Variants in CACNA2D3 observed in about 807,000 individuals in gnomAD.
CACNA2D3 encodes the protein calcium voltage-gated channel auxiliary subunit alpha2delta 3.
In CACNA2D3, 60 loss-of-function variants were observed where a neutral mutation model predicts 160.6. That is an observed-to-expected ratio of 0.37 (90% CI 0.30 to 0.46). CACNA2D3 has a LOEUF of 0.46. Ranked by LOEUF, CACNA2D3 falls within the 20% of genes least tolerant of loss-of-function variation. The pLI, the probability that CACNA2D3 is intolerant of heterozygous loss-of-function variation, is 1.00. For missense variants in CACNA2D3, 1,205 were observed against 1,365.0 expected, an observed-to-expected ratio of 0.88 and a Z score of 1.85; for synonymous variants, 558 against 492.9, an observed-to-expected ratio of 1.13 and a Z score of -1.75.
At chr3:55,004,882 T>A in intron 32 of CACNA2D3, 44 bp downstream of exon 32, 1 of 1,333,720 alleles carries the variant, frequency 7.5e-7, no homozygotes, top group Non-Finnish European at 1.1e-6. Flanking sequence ...CACATTTCTG[T>A]CTTTCTCCCT....
At chr3:55,034,016 A>G (rs1228660562) in intron 35 of CACNA2D3, among the ~76,000 whole-genome samples, 1 of 150,388 alleles carries the variant, frequency 6.6e-6, no homozygotes, top group African/African-American at 2.4e-5. Context: ...ACTTAACTCA[A>G]AGCAGAAAGG....
intron 9 of CACNA2D3, among the ~76,000 whole-genome samples, chr3:54,593,457 G>A (rs1397345388): frequency 6.6e-6 from 1 of 152,008 alleles, no homozygotes; most frequent in Non-Finnish European, 1.5e-5. Flanking sequence ...AAGAATAAAG[G>A]AACAGAGGGA....
At position 54,626,448 on chromosome 3, in the gene CACNA2D3, C is replaced by T. The variant is rs552569211; in HGVS notation, c.964-1339C>T. ...AGAAGCCGGAAGTGGTGAAGACGCACCTGCGTGACGTGATCATCCTGCCCG... is the reference window on the plus strand; with the variant it reads ...AGAAGCCGGAAGTGGTGAAGACGCATCTGCGTGACGTGATCATCCTGCCCG... On this transcript the variant is annotated intron_variant, in intron 9 of 37. Transcript: ENST00000474759. 3.7e-4 allele frequency: 597 copies of T among 1,595,376 alleles called. 4 individuals carry two copies. In the African/African-American group the frequency reaches 5.2e-3, roughly 14 times the overall value.
rs562643800 is a variant in CACNA2D3, at chr3:54,610,310, G to A, written c.964-17477G>A. 1.4e-4 allele frequency among the ~76,000 whole-genome samples: 22 copies of A among 152,278 alleles called. No homozygotes were observed. In the East Asian group the frequency reaches 4.2e-3, roughly 29 times the overall value. ...CTGCCAAGTACTTTGCAATGATTGG[G>A]ATACATGCCTTAAAATTTTACTTGG... On this transcript the variant is annotated intron_variant, in intron 9 of 37. Coordinates refer to ENST00000474759, the MANE Select transcript of CACNA2D3 (RefSeq NM_018398.3).
chr3:54,455,673 C>A (rs1287942223), intron 4 of CACNA2D3, among the ~76,000 whole-genome samples: 1 of 152,026 alleles, frequency 6.6e-6, no homozygotes, highest in East Asian at 1.9e-4. Context: ...AAGCATTTCT[C>A]CTATGGTTTC....
At chr3:54,646,509 G>C (rs1205125016) in intron 11 of CACNA2D3, among the ~76,000 whole-genome samples, 1 of 151,944 alleles carries the variant, frequency 6.6e-6, no homozygotes, top group Non-Finnish European at 1.5e-5. Context: ...TTGGTTTTCT[G>C]TTCCTGCATT....
rs567913154 is a variant in CACNA2D3 at position 54,661,096 on chromosome 3, G to A, written c.1167+18855G>A. ...GAATGCGAACTGAAAGTAAGATGTCGAGGGAGGATTAGCCAAATGGCCAGG... is the reference window on the plus strand; with the variant it reads ...GAATGCGAACTGAAAGTAAGATGTCAAGGGAGGATTAGCCAAATGGCCAGG... On this transcript the variant is annotated intron_variant, in intron 11 of 37. Coordinates refer to ENST00000474759, the MANE Select transcript of CACNA2D3 (RefSeq NM_018398.3). Among the ~76,000 whole-genome samples, 341 of 152,254 alleles carry A rather than the reference G, an allele frequency of 2.2e-3. 1 individual carries two copies. Among genetic ancestry groups the A allele is most frequent in the Admixed American group, 3.7e-3 (57 of 15,292 alleles).
chr3:54,627,657 G>A, intron 9 of CACNA2D3, 130 bp from the exon 10 acceptor site: 1 of 668,744 alleles, frequency 1.5e-6, no homozygotes. Context: ...AATGTAGAAG[G>A]AAAAAGTAAA....
chr3:54,299,250 C>T (rs764358222), intron 2 of CACNA2D3, among the ~76,000 whole-genome samples: 13 of 151,246 alleles, frequency 8.6e-5, no homozygotes, highest in Admixed American at 2.0e-4. Context: ...CTAACTGAAA[C>T]ATAGCAGAGG....
chr3:55,015,983 G>A (rs370120460), intron 34 of CACNA2D3, among the ~76,000 whole-genome samples: 7 of 152,256 alleles, frequency 4.6e-5, no homozygotes, highest in East Asian at 3.9e-4. Flanking sequence ...CAAATGTGTC[G>A]TAAGGGACAG....
At chr3:54,369,434 G>A (rs984005269) in intron 3 of CACNA2D3, among the ~76,000 whole-genome samples, 11 of 152,100 alleles carry the variant, frequency 7.2e-5, no homozygotes, top group East Asian at 1.9e-4. Context: ...CTGAGGAACC[G>A]GACAAGTCAG....
intron 2 of CACNA2D3, among the ~76,000 whole-genome samples, chr3:54,303,380 C>T (rs1164763229): frequency 1.3e-5 from 2 of 152,118 alleles, no homozygotes; most frequent in African/African-American, 4.8e-5. Context: ...ATTTAATTTC[C>T]TGATGGAAAT....
rs193219004 is a variant in CACNA2D3, at chr3:54,776,039, A to G, written c.1380+11688A>G. Among the ~76,000 whole-genome samples, 364 of 152,326 alleles carry G rather than the reference A, an allele frequency of 2.4e-3. 5 individuals carry two copies. The highest frequency in any genetic ancestry group is 8.1e-3 in the African/African-American group (335 of 41,570). ...TACATAATGCCCCAGTTGAGATCCAAAAAGGATGAAATCAGTGTGTGTTGT... is the reference window on the plus strand; with the variant it reads ...TACATAATGCCCCAGTTGAGATCCAGAAAGGATGAAATCAGTGTGTGTTGT... On this transcript the variant is annotated intron_variant, in intron 13 of 37. Coordinates refer to ENST00000474759, the MANE Select transcript of CACNA2D3 (RefSeq NM_018398.3).
At chr3:54,744,431 T>C (rs986655321) in intron 11 of CACNA2D3, among the ~76,000 whole-genome samples, 1 of 152,104 alleles carries the variant, frequency 6.6e-6, no homozygotes, top group East Asian at 1.9e-4. Context: ...AAATTGTGAG[T>C]GTATAGACTT....
intron 13 of CACNA2D3, among the ~76,000 whole-genome samples, chr3:54,793,587 G>A (rs1161388544): frequency 6.6e-6 from 1 of 152,168 alleles, no homozygotes; most frequent in Non-Finnish European, 1.5e-5. Context: ...TCTTGGTGAT[G>A]ATGGGGCAAA....
chr3:54,374,581 C>T (rs376224507), intron 3 of CACNA2D3, among the ~76,000 whole-genome samples: 148 of 152,304 alleles, frequency 9.7e-4, no homozygotes, highest in Non-Finnish European at 1.7e-3. Context: ...TTTATCATAC[C>T]TGCTAGCCCT....
chr3:54,294,084 T>C (rs184574644), intron 2 of CACNA2D3, among the ~76,000 whole-genome samples: 1 of 152,286 alleles, frequency 6.6e-6, no homozygotes, highest in East Asian at 1.9e-4. Context: ...CAGTATGAAA[T>C]GGCAGAATAA....
chr3:54,554,905 C>T (rs1346631153), intron 5 of CACNA2D3, among the ~76,000 whole-genome samples: 3 of 117,578 alleles, frequency 2.6e-5, no homozygotes, highest in Non-Finnish European at 3.3e-5. Flanking sequence ...GACAAGGTCT[C>T]ACTCTGTCAC....
At chr3:54,986,815 A>G (rs1702625322) in intron 30 of CACNA2D3, among the ~76,000 whole-genome samples, 1 of 136,766 alleles carries the variant, frequency 7.3e-6, no homozygotes, top group Non-Finnish European at 1.5e-5. Context: ...ACACTGGCTC[A>G]TTTCAGCATG....
Sources: gnomAD v4.1 joint callset for allele counts (sites outside exome capture counted in the v4.1 genomes callset) on GRCh38, gnomAD v4.1.1 for gene constraint, MANE v1.5 for transcripts, NCBI Gene and HGNC (gene_info 2026-07-23, HGNC 2026-07-21) for gene names.